DYNC2H1: variants seen among roughly 807,000 people sequenced by gnomAD.
DYNC2H1 encodes cytoplasmic dynein 2 heavy chain 1.
A neutral mutation model predicts 570.0 loss-of-function variants in DYNC2H1; 410 were observed. The ratio of observed to expected loss-of-function variants is 0.72; its 90% CI spans 0.66 to 0.78. The LOEUF (loss-of-function observed/expected upper bound fraction) is 0.78. Among genes scored for constraint, DYNC2H1 ranks in the 30% least tolerant of loss-of-function variants. The pLI is 0.00. For missense variants in DYNC2H1, 4,865 were observed against 5,046.4 expected (o/e 0.96, Z 1.09); for synonymous variants, 1,688 against 1,677.6 (o/e 1.01, Z -0.15).
intron 79 of DYNC2H1, among the ~76,000 whole-genome samples, chr11:103,313,623 G>A (rs1867694156): frequency 6.6e-6 from 1 of 152,124 alleles, no homozygotes; most frequent in Non-Finnish European, 1.5e-5. Context: ...TTTCCTTGCA[G>A]TGATACCTTG....
chr11:103,462,292 T>A (rs983487562), intron 87 of DYNC2H1, among the ~76,000 whole-genome samples: 4 of 148,946 alleles, frequency 2.7e-5, no homozygotes, highest in Admixed American at 2.1e-4. Flanking sequence ...ATTCCAAAGA[T>A]CTAATTACAT....
chr11:103,352,162 T>A (rs769024912), intron 82 of DYNC2H1, among the ~76,000 whole-genome samples: 56 of 152,070 alleles, frequency 3.7e-4, no homozygotes, highest in Non-Finnish European at 6.9e-4. Flanking sequence ...TTTAATCTGG[T>A]AAGAAATCTC....
intron 83 of DYNC2H1, 132 bp downstream of exon 83, chr11:103,358,491 A>C: frequency 1.7e-6 from 1 of 572,790 alleles, no homozygotes; most frequent in South Asian, 2.7e-5. Context: ...ATGGCCCATG[A>C]CCTCCTTTCT....
intron 84 of DYNC2H1, among the ~76,000 whole-genome samples, chr11:103,420,989 C>T (rs370707449): frequency 9.9e-5 from 15 of 152,066 alleles, no homozygotes; most frequent in African/African-American, 3.4e-4. Context: ...ATGCACCTCA[C>T]GTGCAAAGAC....
chr11:103,134,737 G>A (rs903214911), intron 15 of DYNC2H1, among the ~76,000 whole-genome samples: 16 of 151,888 alleles, frequency 1.1e-4, no homozygotes, highest in South Asian at 8.3e-4. Context: ...CGTGATAGCC[G>A]TAAAAAACAA....
chr11:103,357,575 C>G (rs1203081793), intron 82 of DYNC2H1, among the ~76,000 whole-genome samples: 1 of 152,094 alleles, frequency 6.6e-6, no homozygotes. Context: ...AAATTTAAAT[C>G]AAAACAATTC....
chr11:103,397,916 G>C (rs529493580), intron 83 of DYNC2H1, among the ~76,000 whole-genome samples: 2 of 152,216 alleles, frequency 1.3e-5, no homozygotes, highest in Admixed American at 1.3e-4. Context: ...AAAATGTTTA[G>C]TACATTTAGC....
At chr11:103,450,070 G>C (rs2135790802) in intron 85 of DYNC2H1, among the ~76,000 whole-genome samples, 1 of 152,192 alleles carries the variant, frequency 6.6e-6, no homozygotes, top group Non-Finnish European at 1.5e-5. Flanking sequence ...TAAATATTGA[G>C]CAAAATAGGT....
chr11:103,222,984 C>G lies in DYNC2H1; in HGVS notation c.9251C>G (p.Thr3084Ser), dbSNP rs1312788995. ...TTTCAGAATGCTAAGCGTGCCAGTA[C>G]TGCAGCTGCACCTTTGGCTGCCTGG... is the stretch of plus-strand genomic sequence containing the variant. ...FDPKNAKRASTAAAPLAAWVK... is the reference protein window; with the variant it reads ...FDPKNAKRASSAAAPLAAWVK... Residue 3084 changes from threonine to serine, a missense_variant, in exon 59 of 89, where the codon ACT becomes AGT. By Grantham distance (58) the Thr-to-Ser change is moderately conservative. This residue lies in a region of DYNC2H1 where 2,401 missense variants were observed against 2,454.6 expected (regional missense o/e 0.98). Coordinates refer to ENST00000375735, the MANE Select transcript of DYNC2H1 (RefSeq NM_001377.3). 1.2e-6 allele frequency: 2 copies of G among 1,613,262 alleles called. No individual in the cohort carries two copies. The highest frequency in any genetic ancestry group is 1.7e-6 in the Non-Finnish European group (2 of 1,179,532).
chr11:103,170,784 G>A lies in DYNC2H1; in HGVS notation c.5152-102G>A. 9.1e-7 allele frequency: 1 copy of A among 1,104,704 alleles called. No individual in the cohort carries two copies. Among genetic ancestry groups the A allele is most frequent in the Non-Finnish European group, 1.2e-6 (1 of 839,280 alleles). 68.4% of individuals were successfully genotyped at this position (1,104,704 alleles called of 1,614,324 possible). A position where few individuals can be genotyped will look rare whatever the true frequency, so the allele number is the denominator to read the frequency against. On this transcript the variant is annotated intron_variant, in intron 33 of 88. Coordinates refer to ENST00000375735, the MANE Select transcript of DYNC2H1 (RefSeq NM_001377.3). The surrounding 1 kb of genome is among the most constrained non-coding windows in gnomAD (Gnocchi z 4.8). ...TAAAATGAGCAAAAGAGGCATAGATGGGATAAATTATCACCTTATCAATAA... is the reference window on the plus strand; with the variant it reads ...TAAAATGAGCAAAAGAGGCATAGATAGGATAAATTATCACCTTATCAATAA...
rs768540376 is a variant in DYNC2H1 at position 103,168,910 on chromosome 11, T to C, written c.4918T>C (p.Cys1640Arg). 11 of 1,612,724 alleles carry C rather than the reference T, an allele frequency of 6.8e-6. No individual in the cohort carries two copies. The East Asian group carries it at 2.5e-4, about 36-fold the overall frequency. The change falls in exon 32 of 89, where the codon TGT becomes CGT. Residue 1640 changes from cysteine to arginine, a missense_variant. Around this residue, in one of 5 missense-constraint regions of DYNC2H1, gnomAD observed 1,936 missense variants for 1,962.1 expected, o/e 0.99. Coordinates refer to ENST00000375735, the MANE Select transcript of DYNC2H1 (RefSeq NM_001377.3). ...LRFYMKSDHTCCVQMVDSEFQ... is the reference protein window; with the variant it reads ...LRFYMKSDHTRCVQMVDSEFQ... ...ATTCTATATGAAAAGTGATCATACA[T>C]GTTGTGTTCAAATGGTGGATTCTGA...
At chr11:103,458,631 ATTTC>A (rs1453812286) in intron 87 of DYNC2H1, among the ~76,000 whole-genome samples, 3 of 151,540 alleles carry the variant, frequency 2.0e-5, no homozygotes, top group African/African-American at 7.3e-5. Flanking sequence ...ATGATGATCT[ATTTC>A]TTTCGTAGTA....
chr11:103,202,240 G>A (rs569477312), intron 50 of DYNC2H1, among the ~76,000 whole-genome samples: 1 of 150,488 alleles, frequency 6.6e-6, no homozygotes, highest in South Asian at 2.1e-4. Context: ...TATTGCTTCA[G>A]TTGTCACTAG....
At chr11:103,413,890 T>C (rs1943182240) in intron 84 of DYNC2H1, among the ~76,000 whole-genome samples, 1 of 152,228 alleles carries the variant, frequency 6.6e-6, no homozygotes, top group African/African-American at 2.4e-5. Flanking sequence ...ACACTTTCTC[T>C]TTTTTAGCAA....
chr11:103,166,696 G>T (rs762790612), intron 31 of DYNC2H1, among the ~76,000 whole-genome samples: 9 of 152,042 alleles, frequency 5.9e-5, no homozygotes, highest in Non-Finnish European at 1.3e-4. Context: ...CATTTGAGTT[G>T]TTATTCTTCT....
At chr11:103,418,311 G>T (rs901582933) in intron 84 of DYNC2H1, among the ~76,000 whole-genome samples, 1 of 152,290 alleles carries the variant, frequency 6.6e-6, no homozygotes, top group South Asian at 2.1e-4. Flanking sequence ...GCTAGTAAGA[G>T]TTTGTTTAGC....
chr11:103,155,248 A>T, intron 24 of DYNC2H1, 83 bp from the exon 25 acceptor site: 1 of 1,357,038 alleles, frequency 7.4e-7, no homozygotes, highest in Non-Finnish European at 9.8e-7. Flanking sequence ...ACTAATAAGC[A>T]TAAAAGTAAA....
At position 103,163,507 on chromosome 11, in the gene DYNC2H1, A is replaced by C. The variant is rs1431667657; in HGVS notation, c.4611+360A>C. 6.6e-6 allele frequency among the ~76,000 whole-genome samples: 1 copy of C among 152,198 alleles called. No homozygotes were observed. The highest frequency in any genetic ancestry group is 2.4e-5 in the African/African-American group (1 of 41,456). On this transcript the variant is annotated intron_variant, in intron 30 of 88. Transcript: ENST00000375735. This position sits in a 1 kb window ranked among gnomAD's most constrained non-coding sequence, Gnocchi z 4.6. Reference sequence around the variant, plus strand: ...TCATCTAAGCATTGGAGCTGGCAGGAACTTAGCAGGTATTAGTGTAAATCT... The same window carrying C: ...TCATCTAAGCATTGGAGCTGGCAGGCACTTAGCAGGTATTAGTGTAAATCT...
chr11:103,123,796 T>G (rs1858846103), intron 11 of DYNC2H1, among the ~76,000 whole-genome samples: 1 of 149,430 alleles, frequency 6.7e-6, no homozygotes, highest in Non-Finnish European at 1.5e-5. Flanking sequence ...ACAGCGTTTC[T>G]CATTAGGCTT....
Sources: allele counts gnomAD v4.1 joint callset (sites outside exome capture counted in the v4.1 genomes callset), GRCh38; gene constraint gnomAD v4.1.1; regional missense constraint gnomAD v4.1.1; non-coding constraint Gnocchi (gnomAD v3.1); transcripts MANE v1.5; gene names NCBI Gene and HGNC (gene_info 2026-07-23, HGNC 2026-07-21).